ETF1: variants seen among roughly 807,000 people sequenced by gnomAD.
ETF1 encodes the protein eukaryotic peptide chain release factor subunit 1.
In ETF1, 4 loss-of-function variants were observed where a neutral mutation model predicts 55.1. The ratio of observed to expected loss-of-function variants is 0.07; its 90% CI spans 0.04 to 0.17. The LOEUF (loss-of-function observed/expected upper bound fraction) is 0.17. Among genes scored for constraint, ETF1 ranks in the 10% least tolerant of loss-of-function variants. ETF1 has a pLI of 1.00. For missense variants in ETF1, 142 were observed against 523.6 expected, an observed-to-expected ratio of 0.27 and a Z score of 7.11; for synonymous variants, 157 against 182.3, an observed-to-expected ratio of 0.86 and a Z score of 1.12.
rs1045899556 is a variant in ETF1 at position 138,506,451 on chromosome 5, C to A, written c.*1854G>T. 1 of 152,648 alleles carries A rather than the reference C, an allele frequency of 6.6e-6. No individual in the cohort carries two copies. Among genetic ancestry groups the A allele is most frequent in the Non-Finnish European group, 1.5e-5 (1 of 68,038 alleles). 9.5% of individuals were successfully genotyped at this position (152,648 alleles called of 1,614,324 possible). A position where few individuals can be genotyped will look rare whatever the true frequency, so the allele number is the denominator to read the frequency against. ...AAAAATGTAAATTTACATCCAATTT[C>A]TCTGGTCTTGTCATATCACATCAGA... On this transcript the variant is annotated 3_prime_UTR_variant, in exon 11 of 11. Coordinates refer to ENST00000360541, the MANE Select transcript of ETF1 (RefSeq NM_004730.4).
chr5:138,513,208 CACTCCCCTCACATCAT>C, intron 5 of ETF1: 2 of 985,086 alleles, frequency 2.0e-6, no homozygotes, highest in South Asian at 9.4e-5. Context: ...CATCTGGATT[CACTCCCCTCACATCAT>C]ACTGTTTTCT....
rs144420280 is a variant in ETF1 at position 138,510,533 on chromosome 5, C to G, written c.1083+32G>C. ...TCTAACACACGGATTTACGCTTGCA[C>G]GTATCATCAAACCAAGAAAATAATC... On this transcript the variant is annotated intron_variant, in intron 9 of 10. Coordinates refer to ENST00000360541, the MANE Select transcript of ETF1 (RefSeq NM_004730.4). The G allele has an allele frequency of 5.2e-6, 8 of 1,527,324 alleles. No homozygotes were observed. In the East Asian group the frequency reaches 1.1e-4, roughly 21 times the overall value. The allele number at this position is 1,527,324 out of a possible 1,614,324, so 94.6% of individuals were successfully genotyped here.
At chr5:138,539,841 G>A (rs150759115) in intron 2 of ETF1, among the ~76,000 whole-genome samples, 2 of 152,082 alleles carry the variant, frequency 1.3e-5, no homozygotes, top group South Asian at 4.1e-4. Flanking sequence ...ACCCATTATA[G>A]CACATTGGTT....
rs1764571273 is a variant in ETF1 at position 138,506,662 on chromosome 5, TGACA to T, written c.*1639_*1642del. Reference sequence around the variant, plus strand: ...GGGGTTGAGACATCAGGTTACACATTGACAGACAGTATTTGGACCTCAGAGTACA... The same window carrying T: ...GGGGTTGAGACATCAGGTTACACATTGACAGTATTTGGACCTCAGAGTACA... On this transcript the variant is annotated 3_prime_UTR_variant, in exon 11 of 11. Transcript: ENST00000360541. 2 of 152,756 alleles carry T rather than the reference TGACA, an allele frequency of 1.3e-5. No homozygotes were observed. Among genetic ancestry groups the T allele is most frequent in the African/African-American group, 2.4e-5 (1 of 41,572 alleles). 9.5% of individuals were successfully genotyped at this position (152,756 alleles called of 1,614,324 possible).
chr5:138,515,038 A>G (rs111635094), intron 4 of ETF1, among the ~76,000 whole-genome samples: 445 of 152,324 alleles, frequency 2.9e-3, no homozygotes, highest in Non-Finnish European at 5.0e-3. Flanking sequence ...TTACCATTCC[A>G]TTTTAAGAAA....
chr5:138,511,409 C>A, intron 7 of ETF1, 66 bp downstream of exon 7: 2 of 1,545,194 alleles, frequency 1.3e-6, no homozygotes, highest in Non-Finnish European at 8.7e-7. Context: ...CACATACACA[C>A]ACACACACAC....
chr5:138,543,187 C>G lies in ETF1; in HGVS notation c.-109G>C. ...CTCTGACGTAGGACACCGGCTCCCT[C>G]TCTCCAGGCAGCTGCATGTGTTGCA... is the stretch of plus-strand genomic sequence containing the variant. On this transcript the variant is annotated 5_prime_UTR_variant, in exon 1 of 11. Coordinates refer to ENST00000360541, the MANE Select transcript of ETF1 (RefSeq NM_004730.4). 1.8e-6 allele frequency: 1 copy of G among 561,940 alleles called. No homozygotes were observed. The highest frequency in any genetic ancestry group is 3.1e-6 in the Non-Finnish European group (1 of 318,202). 34.8% of individuals were successfully genotyped at this position (561,940 alleles called of 1,614,324 possible).
intron 2 of ETF1, among the ~76,000 whole-genome samples, chr5:138,533,839 A>C (rs967580437): frequency 6.6e-6 from 1 of 152,222 alleles, no homozygotes; most frequent in African/African-American, 2.4e-5. Context: ...AACCAGCACT[A>C]AACAAAACCA....
chr5:138,537,168 C>T (rs1262361709), intron 2 of ETF1, among the ~76,000 whole-genome samples: 2 of 152,168 alleles, frequency 1.3e-5, no homozygotes, highest in Admixed American at 6.5e-5. Flanking sequence ...TAAGGACCAC[C>T]ACCACATCCT....
intron 2 of ETF1, chr5:138,529,817 A>G: frequency 7.2e-6 from 4 of 556,708 alleles, no homozygotes; most frequent in Non-Finnish European, 9.1e-6. Context: ...CAGTGGCACA[A>G]TCACAGCTCA....
At position 138,512,197 on chromosome 5, in the gene ETF1, CAAAAAAAA is replaced by C. The variant is rs58386195; in HGVS notation, c.732+559_732+566del. Among the ~76,000 whole-genome samples the C allele has an allele frequency of 2.5e-3, 7 of 2,840 alleles. No individual in the cohort carries two copies. In the East Asian group the frequency reaches 0.083, roughly 34 times the overall value. The allele number at this position is 2,840 out of a possible 152,430, so 1.9% of individuals were successfully genotyped here. On this transcript the variant is annotated intron_variant, in intron 6 of 10. Coordinates refer to ENST00000360541, the MANE Select transcript of ETF1 (RefSeq NM_004730.4). ...TAGGCAAGATAGCCAGACCCAGTCTCAAAAAAAAAAAAAAAAAAAAAAAAAAAAATATA... is the reference window on the plus strand; with the variant it reads ...TAGGCAAGATAGCCAGACCCAGTCTCAAAAAAAAAAAAAAAAAAAAATATA...
intron 2 of ETF1, among the ~76,000 whole-genome samples, chr5:138,523,524 C>T (rs959858164): frequency 6.6e-6 from 1 of 152,040 alleles, no homozygotes; most frequent in African/African-American, 2.4e-5. Flanking sequence ...CAGAGTGAAA[C>T]TGTCTCAAAA....
At chr5:138,519,459 C>T (rs138139581) in intron 2 of ETF1, among the ~76,000 whole-genome samples, 26 of 151,172 alleles carry the variant, frequency 1.7e-4, no homozygotes, top group African/African-American at 5.3e-4. Flanking sequence ...GTCAGGAGTT[C>T]GAGGCAAGCC....
At chr5:138,542,717 A>G in intron 2 of ETF1, 116 bp downstream of exon 2, 1 of 1,525,674 alleles carries the variant, frequency 6.6e-7, no homozygotes, top group Non-Finnish European at 8.8e-7. Flanking sequence ...AGAGATCCAG[A>G]AGGCGGGAGT....
Position 138,508,261 on chromosome 5 carries a change from AT to A in ETF1, c.*43del, listed in dbSNP as rs1403129801. ...ACCATGGGTATGCTCCTTGGGTTGG[AT>A]GCTGGAGGGTGAGGCACGTTTTGCC... On this transcript the variant is annotated 3_prime_UTR_variant, in exon 11 of 11. Transcript: ENST00000360541. 6.2e-7 allele frequency: 1 copy of A among 1,600,994 alleles called. No homozygotes were observed. Among genetic ancestry groups the A allele is most frequent in the Non-Finnish European group, 8.5e-7 (1 of 1,173,642 alleles).
intron 2 of ETF1, chr5:138,529,646 C>T (rs1222273537): frequency 3.0e-6 from 3 of 985,294 alleles, no homozygotes; most frequent in Non-Finnish European, 3.6e-6. Context: ...CTTATCAAAG[C>T]TTTCATCAAT....
At chr5:138,516,205 G>T (rs1480523089) in intron 4 of ETF1, among the ~76,000 whole-genome samples, 1 of 152,178 alleles carries the variant, frequency 6.6e-6, no homozygotes, top group Non-Finnish European at 1.5e-5. Flanking sequence ...TGTGAAAACT[G>T]AGTGCAATAA....
chr5:138,533,134 T>C (rs1256495107), intron 2 of ETF1, among the ~76,000 whole-genome samples: 2 of 151,612 alleles, frequency 1.3e-5, no homozygotes, highest in African/African-American at 2.4e-5. Flanking sequence ...CGGAAAGGGT[T>C]TCACCATGTT....
chr5:138,541,590 G>A (rs901895231), intron 2 of ETF1: 6 of 1,531,712 alleles, frequency 3.9e-6, no homozygotes, highest in Non-Finnish European at 5.2e-6. Flanking sequence ...GAGCTTGGAG[G>A]GGCTGTCATT....
Sources: allele counts gnomAD v4.1 joint callset (sites outside exome capture counted in the v4.1 genomes callset), GRCh38; gene constraint gnomAD v4.1.1; transcripts MANE v1.5; gene names NCBI Gene and HGNC (gene_info 2026-07-23, HGNC 2026-07-21).